Variants in SRGAP2C observed in about 807,000 individuals in gnomAD.
SRGAP2C encodes SLIT-ROBO Rho GTPase-activating protein 2C.
A neutral mutation model predicts 25.1 loss-of-function variants in SRGAP2C; 15 were observed. The ratio of observed to expected loss-of-function variants is 0.60; its 90% CI spans 0.40 to 0.92. The LOEUF (loss-of-function observed/expected upper bound fraction) is 0.92. Ranked by LOEUF, SRGAP2C falls within the 40% of genes least tolerant of loss-of-function variation. The probability of loss-of-function intolerance (pLI) is 0.00; values close to 1 mark genes in which losing one functional copy is unlikely to be tolerated. For synonymous variants in SRGAP2C, 44 were observed against 96.6 expected, an observed-to-expected ratio of 0.46 and a Z score of 3.19; for missense variants, 144 against 264.4, an observed-to-expected ratio of 0.54 and a Z score of 3.16.
At chr1:121,306,015 A>G (rs1409392815) in intron 3 of SRGAP2C, among the ~76,000 whole-genome samples, 1 of 152,136 alleles carries the variant, frequency 6.6e-6, no homozygotes, top group Non-Finnish European at 1.5e-5. Context: ...GTTTTTCTAG[A>G]TGTTTATACC....
intron 4 of SRGAP2C, among the ~76,000 whole-genome samples, chr1:121,340,496 AT>A (rs1658626756): frequency 6.7e-6 from 1 of 150,106 alleles, no homozygotes; most frequent in East Asian, 2.0e-4. Flanking sequence ...AGTTGGCAGT[AT>A]AAAAGGCCTG....
chr1:121,347,175 A>G (rs1243766658), intron 4 of SRGAP2C, among the ~76,000 whole-genome samples: 9 of 112,266 alleles, frequency 8.0e-5, no homozygotes, highest in Admixed American at 7.1e-4. Context: ...TCTCTTCTGG[A>G]TACTGACTGT....
intron 2 of SRGAP2C, among the ~76,000 whole-genome samples, chr1:121,227,869 T>TA (rs1277734618): frequency 2.0e-5 from 3 of 149,692 alleles, no homozygotes; most frequent in African/African-American, 7.7e-5. Flanking sequence ...GATGGATGTG[T>TA]ATCTCAAGAT....
intron 3 of SRGAP2C, among the ~76,000 whole-genome samples, chr1:121,305,281 T>C (rs1657804580): frequency 6.7e-6 from 1 of 148,384 alleles, no homozygotes; most frequent in East Asian, 2.0e-4. Flanking sequence ...TCATGTAATA[T>C]GCTTGATGTA....
rs1192999075 is a variant in SRGAP2C, at chr1:121,264,948, G to A, written c.68-19855G>A. On this transcript the variant is annotated intron_variant, in intron 2 of 9. Coordinates refer to ENST00000367123, the MANE Select transcript of SRGAP2C (RefSeq NM_001329984.2). ...ATGGTGGCTCACGCCCATAATCCCA[G>A]CACTTTGGGAGGCTGAGGCGGGTAG... 2.5e-5 allele frequency among the ~76,000 whole-genome samples: 3 copies of A among 119,942 alleles called. 1 individual carries two copies. The highest frequency in any genetic ancestry group is 3.3e-5 in the African/African-American group (1 of 30,702). 78.7% of individuals were successfully genotyped at this position (119,942 alleles called of 152,430 possible).
intron 2 of SRGAP2C, among the ~76,000 whole-genome samples, chr1:121,234,787 C>A (rs1219377030): frequency 3.4e-5 from 5 of 148,234 alleles, no homozygotes; most frequent in Admixed American, 6.6e-5. Context: ...CTTTGCTAGC[C>A]TTTGTGAAAG....
chr1:121,194,525 T>TA (rs1158940268), intron 2 of SRGAP2C, among the ~76,000 whole-genome samples: 15 of 144,308 alleles, frequency 1.0e-4, no homozygotes, highest in South Asian at 4.6e-4. Flanking sequence ...CTACTAAAAA[T>TA]AAAAAAATTA....
At chr1:121,192,321 A>C (rs1183365745) in intron 2 of SRGAP2C, among the ~76,000 whole-genome samples, 3 of 152,138 alleles carry the variant, frequency 2.0e-5, no homozygotes, top group East Asian at 3.9e-4. Flanking sequence ...ATCCTCAAGC[A>C]GATGCTATCA....
At chr1:121,371,896 GA>G (rs1186282242) in intron 5 of SRGAP2C, among the ~76,000 whole-genome samples, 1 of 147,760 alleles carries the variant, frequency 6.8e-6, no homozygotes, top group Admixed American at 6.8e-5. Flanking sequence ...AGATTCAGGT[GA>G]AAAAAGAGAA....
chr1:121,303,428 C>T (rs1657743809), intron 3 of SRGAP2C, among the ~76,000 whole-genome samples: 1 of 151,726 alleles, frequency 6.6e-6, no homozygotes, highest in South Asian at 2.1e-4. Context: ...TTGATATGTC[C>T]CCATCGTTCT....
intron 2 of SRGAP2C, among the ~76,000 whole-genome samples, chr1:121,273,791 G>A (rs1347916803): frequency 2.0e-5 from 3 of 151,650 alleles, no homozygotes; most frequent in Non-Finnish European, 4.4e-5. Flanking sequence ...CTCTGTACTT[G>A]TTGTTGACAT....
chr1:121,335,531 A>G (rs1454955170), intron 4 of SRGAP2C, among the ~76,000 whole-genome samples: 2 of 134,940 alleles, frequency 1.5e-5, no homozygotes, highest in East Asian at 4.4e-4. Flanking sequence ...GTGTGATCAT[A>G]GCTCACCGTA....
chr1:121,368,494 T>C (rs587596666), intron 5 of SRGAP2C, among the ~76,000 whole-genome samples: 58 of 149,642 alleles, frequency 3.9e-4, no homozygotes, highest in African/African-American at 1.4e-3. Flanking sequence ...TAAGGCACCA[T>C]GGGATTACGG....
intron 3 of SRGAP2C, among the ~76,000 whole-genome samples, chr1:121,322,921 G>C (rs1289639606): frequency 5.9e-5 from 9 of 152,300 alleles, no homozygotes; most frequent in Middle Eastern, 3.4e-3. Context: ...CTGGAGCGGG[G>C]AAGAGAGGAA....
chr1:121,189,383 G>A (rs1224518682), intron 2 of SRGAP2C, among the ~76,000 whole-genome samples: 1 of 24,920 alleles, frequency 4.0e-5, no homozygotes, highest in African/African-American at 2.0e-4. Flanking sequence ...TAATGCAGTC[G>A]GCTATTTGGG....
chr1:121,277,389 TTCTTTTTTATGTA>T (rs1190623518), intron 2 of SRGAP2C, among the ~76,000 whole-genome samples: 2 of 151,866 alleles, frequency 1.3e-5, no homozygotes, highest in African/African-American at 4.8e-5. Context: ...TTTTGTTTGT[TTCTTTTTTATGTA>T]TCTTTTATTT....
At chr1:121,193,670 T>TTTC (rs1490278248) in intron 2 of SRGAP2C, among the ~76,000 whole-genome samples, 8 of 53,232 alleles carry the variant, frequency 1.5e-4, no homozygotes, top group East Asian at 7.5e-4. Context: ...CTTTTTTCTT[T>TTTC]TTTTTTTTTT....
chr1:121,379,107 T>C (rs1333997541), intron 7 of SRGAP2C, among the ~76,000 whole-genome samples: 2 of 152,236 alleles, frequency 1.3e-5, no homozygotes, highest in Non-Finnish European at 2.9e-5. Flanking sequence ...TGTACATGTA[T>C]GGAAGGTCTT....
intron 2 of SRGAP2C, among the ~76,000 whole-genome samples, chr1:121,255,333 A>G (rs1460998562): frequency 6.6e-6 from 1 of 151,682 alleles, no homozygotes; most frequent in African/African-American, 2.4e-5. Flanking sequence ...TGTTTTTATG[A>G]TTTCAGAATA....
Sources: gnomAD v4.1 joint callset for allele counts (sites outside exome capture counted in the v4.1 genomes callset) on GRCh38, gnomAD v4.1.1 for gene constraint, MANE v1.5 for transcripts, NCBI Gene and HGNC (gene_info 2026-07-23, HGNC 2026-07-21) for gene names.